PBX1: variants seen among roughly 807,000 people sequenced by gnomAD.
PBX1 encodes pre-B-cell leukemia transcription factor 1.
In PBX1, 6 loss-of-function variants were observed where a neutral mutation model predicts 53.4. That is an observed-to-expected ratio of 0.11 (90% confidence interval 0.06 to 0.22). The LOEUF (loss-of-function observed/expected upper bound fraction) is 0.22. Ranked by LOEUF, PBX1 falls within the 10% of genes least tolerant of loss-of-function variation. The pLI, the probability that PBX1 is intolerant of heterozygous loss-of-function variation, is 1.00. For missense variants in PBX1, 251 were observed against 551.4 expected, an observed-to-expected ratio of 0.46 and a Z score of 5.46; for synonymous variants, 204 against 212.3, an observed-to-expected ratio of 0.96 and a Z score of 0.34.
intron 2 of PBX1, among the ~76,000 whole-genome samples, chr1:164,699,886 C>T (rs1663014622): frequency 1.3e-5 from 2 of 152,082 alleles, no homozygotes; most frequent in South Asian, 2.1e-4. Context: ...TCTGGAAGCC[C>T]GGAGTTGACA....
chr1:164,827,693 G>A (rs1241403884), intron 8 of PBX1, among the ~76,000 whole-genome samples: 1 of 152,140 alleles, frequency 6.6e-6, no homozygotes, highest in African/African-American at 2.4e-5. Context: ...AAATATCCCA[G>A]TAATGTGATT....
intron 2 of PBX1, among the ~76,000 whole-genome samples, chr1:164,568,157 C>T (rs1469872202): frequency 6.6e-6 from 1 of 152,110 alleles, no homozygotes; most frequent in African/African-American, 2.4e-5. Flanking sequence ...CTAGATGTTG[C>T]ACATAATTTA....
intron 2 of PBX1, chr1:164,682,236 C>T (rs536771230): frequency 6.6e-6 from 1 of 152,242 alleles, no homozygotes; most frequent in Admixed American, 6.5e-5. Flanking sequence ...TCAGACAGGC[C>T]CTTCTGGTTG....
intron 2 of PBX1, among the ~76,000 whole-genome samples, chr1:164,573,296 C>A (rs1229450256): frequency 1.3e-5 from 2 of 149,018 alleles, no homozygotes; most frequent in Non-Finnish European, 1.5e-5. Context: ...TTTTAGTAGC[C>A]CCATTTAAAA....
chr1:164,855,686 GA>G (rs1410106085), downstream of PBX1, among the ~76,000 whole-genome samples: 5 of 152,186 alleles, frequency 3.3e-5, no homozygotes, highest in Non-Finnish European at 5.9e-5. Flanking sequence ...GAGAGCACGT[GA>G]GAAAGCAAAA....
At position 164,832,622 on chromosome 1, in the gene PBX1, A is replaced by G. The variant is rs1475564054; in HGVS notation, c.1200+10996A>G. On this transcript the variant is annotated intron_variant, in intron 8 of 8. Transcript: ENST00000420696. ...AATAAATATGATAGCCTGCAAGGGT[A>G]ATATAATATAAATAGAACTAGAAAA... Among the ~76,000 whole-genome samples the G allele has an allele frequency of 3.3e-5, 5 of 152,270 alleles. No individual in the cohort carries two copies. The East Asian group carries it at 9.6e-4, about 29-fold the overall frequency.
At chr1:164,766,609 C>T (rs1459405364) in intron 2 of PBX1, among the ~76,000 whole-genome samples, 2 of 151,992 alleles carry the variant, frequency 1.3e-5, no homozygotes, top group African/African-American at 4.8e-5. Context: ...CCTCTGATTC[C>T]AAGTTTGGAT....
At position 164,700,112 on chromosome 1, in the gene PBX1, G is replaced by A. The variant is rs1238119713; in HGVS notation, c.266-92382G>A. Among the ~76,000 whole-genome samples, 4 of 152,348 alleles carry A rather than the reference G, an allele frequency of 2.6e-5. No homozygotes were observed. In the East Asian group the frequency reaches 7.7e-4, roughly 29 times the overall value. On this transcript the variant is annotated intron_variant, in intron 2 of 8. Transcript: ENST00000420696. ...GGAACAGAGATGCTTATTACAGGGT[G>A]TGCTTAACCCTTGGCATGCTGATTT...
chr1:164,588,738 C>T (rs1180067372), intron 2 of PBX1, among the ~76,000 whole-genome samples: 1 of 151,954 alleles, frequency 6.6e-6, no homozygotes, highest in African/African-American at 2.4e-5. Flanking sequence ...AAAACTAGCT[C>T]TTGGCTGGCC....
At chr1:164,684,798 A>G (rs1662003948) in intron 2 of PBX1, 1 of 152,198 alleles carries the variant, frequency 6.6e-6, no homozygotes, top group African/African-American at 2.4e-5. Flanking sequence ...ACTGTGTTTG[A>G]CGATAGCACT....
chr1:164,767,622 T>C (rs1356968954), intron 2 of PBX1, among the ~76,000 whole-genome samples: 2 of 150,542 alleles, frequency 1.3e-5, no homozygotes, highest in East Asian at 3.9e-4. Context: ...AAGGGGAGGA[T>C]GTAAAAGTGG....
chr1:164,779,805 T>A (rs77081809), intron 2 of PBX1, among the ~76,000 whole-genome samples: 6,315 of 152,234 alleles, frequency 0.041, 166 homozygotes, highest in East Asian at 0.1. Context: ...CGAAGGGCCA[T>A]GCTAATGTCT....
chr1:164,651,946 T>TGC (rs1263531373), intron 2 of PBX1: 1 of 152,186 alleles, frequency 6.6e-6, no homozygotes, highest in Non-Finnish European at 1.5e-5. Context: ...TGTGTGTGTG[T>TGC]GTGTGTGTGT....
intron 2 of PBX1, among the ~76,000 whole-genome samples, chr1:164,600,640 C>T (rs2101799188): frequency 6.6e-6 from 1 of 152,334 alleles, no homozygotes; most frequent in South Asian, 2.1e-4. Context: ...CCTGAGGCAG[C>T]CCCATGCCTG....
At chr1:164,575,917 G>A (rs1470413132) in intron 2 of PBX1, among the ~76,000 whole-genome samples, 1 of 152,036 alleles carries the variant, frequency 6.6e-6, no homozygotes, top group East Asian at 1.9e-4. Flanking sequence ...CAAGTATAAA[G>A]GCCCAAGAAG....
intron 2 of PBX1, among the ~76,000 whole-genome samples, chr1:164,721,582 A>G (rs1242204672): frequency 6.6e-6 from 1 of 152,202 alleles, no homozygotes; most frequent in African/African-American, 2.4e-5. Context: ...TAATGCTTTC[A>G]AAAACATTTA....
chr1:164,848,305 C>G lies in PBX1; in HGVS notation c.*1629C>G, dbSNP rs1000614723. ...CCAGTTATAAAGATGGCAGCTCTAT[C>G]ACTTGATTAAGTGGGAGGTGGTCAA... is the stretch of plus-strand genomic sequence containing the variant. On this transcript the variant is annotated 3_prime_UTR_variant, in exon 9 of 9. Transcript: ENST00000420696. The G allele has an allele frequency of 2.1e-5, 22 of 1,057,156 alleles. No homozygotes were observed. Among genetic ancestry groups the G allele is most frequent in the Non-Finnish European group, 2.3e-5 (20 of 874,310 alleles). The allele number at this position is 1,057,156 out of a possible 1,614,324, so 65.5% of individuals were successfully genotyped here. A position where few individuals can be genotyped will look rare whatever the true frequency, so the allele number is the denominator to read the frequency against.
chr1:164,651,636 A>C (rs1395231266), intron 2 of PBX1, among the ~76,000 whole-genome samples: 1 of 152,120 alleles, frequency 6.6e-6, no homozygotes, highest in Non-Finnish European at 1.5e-5. Context: ...CCCTCCAAAA[A>C]GAAGAACAGT....
At chr1:164,831,684 T>C (rs982730948) in intron 8 of PBX1, among the ~76,000 whole-genome samples, 2 of 152,206 alleles carry the variant, frequency 1.3e-5, no homozygotes, top group African/African-American at 4.8e-5. Context: ...ACAAATGTAA[T>C]ACACTTGTAT....
Sources: allele counts gnomAD v4.1 joint callset (sites outside exome capture counted in the v4.1 genomes callset), GRCh38; gene constraint gnomAD v4.1.1; transcripts MANE v1.5; gene names NCBI Gene and HGNC (gene_info 2026-07-23, HGNC 2026-07-21).